The following EPHA6 variants were observed in gnomAD, a reference collection of about 807,000 sequenced individuals.
EPHA6 encodes EPH receptor A6, also known as ephrin type-A receptor 6.
Under a neutral mutation model 112.0 loss-of-function variants are expected in EPHA6, and 50 were observed. The ratio of observed to expected loss-of-function variants is 0.45; its 90% CI spans 0.36 to 0.56. The LOEUF is 0.56. EPHA6 is among the 20% of genes least tolerant of loss of function. The pLI is 0.00. For synonymous variants in EPHA6, 529 were observed against 490.7 expected, an observed-to-expected ratio of 1.08 and a Z score of -1.03; for missense variants, 1,280 against 1,417.4, an observed-to-expected ratio of 0.90 and a Z score of 1.56.
chr3:96,923,246 C>T (rs2039866051), intron 2 of EPHA6, among the ~76,000 whole-genome samples: 1 of 152,178 alleles, frequency 6.6e-6, no homozygotes, highest in Non-Finnish European at 1.5e-5. Context: ...AACTAATTTA[C>T]ACTCCCACCA....
intron 14 of EPHA6, among the ~76,000 whole-genome samples, chr3:97,688,236 A>G (rs371833969): frequency 6.6e-6 from 1 of 152,196 alleles, no homozygotes; most frequent in South Asian, 2.1e-4. Context: ...TTCTTCGAGT[A>G]TATTTCTTCT....
intron 3 of EPHA6, among the ~76,000 whole-genome samples, chr3:97,097,095 G>C (rs1275619664): frequency 6.6e-6 from 1 of 151,354 alleles, no homozygotes; most frequent in Non-Finnish European, 1.5e-5. Flanking sequence ...ATGAAAAAAA[G>C]AAAAAATGTA....
chr3:97,571,945 C>T (rs1175500344), intron 11 of EPHA6, among the ~76,000 whole-genome samples: 2 of 152,154 alleles, frequency 1.3e-5, no homozygotes, highest in Non-Finnish European at 2.9e-5. Context: ...TTCCATATAC[C>T]TCTACTGCCA....
At chr3:96,891,025 G>A (rs1224790095) in intron 2 of EPHA6, among the ~76,000 whole-genome samples, 1 of 152,196 alleles carries the variant, frequency 6.6e-6, no homozygotes, top group Non-Finnish European at 1.5e-5. Flanking sequence ...GGAGGTTGCA[G>A]TGAGCTGAGA....
intron 14 of EPHA6, among the ~76,000 whole-genome samples, chr3:97,645,885 G>GT (rs991790825): frequency 2.8e-4 from 43 of 151,974 alleles, no homozygotes; most frequent in African/African-American, 8.9e-4. Context: ...ATTTGTAAAT[G>GT]TTTTTTATAA....
Position 96,878,540 on chromosome 3 carries a change from A to G in EPHA6, c.450+11651A>G, listed in dbSNP as rs140866792. Among the ~76,000 whole-genome samples the G allele has an allele frequency of 1.1e-4, 16 of 152,218 alleles. No homozygotes were observed. The East Asian group carries it at 2.1e-3, about 20-fold the overall frequency. On this transcript the variant is annotated intron_variant, in intron 2 of 17. Transcript: ENST00000389672. ...CAGATAGAATAGTTAGAAAAATTCA[A>G]CCCAAGCACAAGGAACTTAATAGTC...
intron 2 of EPHA6, among the ~76,000 whole-genome samples, chr3:96,922,795 C>T (rs1298893870): frequency 2.6e-5 from 4 of 152,114 alleles, no homozygotes; most frequent in Non-Finnish European, 5.9e-5. Context: ...TCCTGATGCT[C>T]TCTATCCCAC....
chr3:97,034,157 A>G (rs143312113), intron 3 of EPHA6, among the ~76,000 whole-genome samples: 1 of 152,084 alleles, frequency 6.6e-6, no homozygotes, highest in East Asian at 1.9e-4. Flanking sequence ...ACAAGGTTGT[A>G]TTTAAGCATT....
chr3:97,302,904 C>A (rs9874379), intron 5 of EPHA6, among the ~76,000 whole-genome samples: 1 of 151,564 alleles, frequency 6.6e-6, no homozygotes, highest in Non-Finnish European at 1.5e-5. Context: ...TGCTATATGA[C>A]CAAATTTATA....
At chr3:96,894,563 A>G (rs1015128485) in intron 2 of EPHA6, among the ~76,000 whole-genome samples, 4 of 152,056 alleles carry the variant, frequency 2.6e-5, no homozygotes, top group Admixed American at 6.6e-5. Flanking sequence ...TGCATGAAGA[A>G]CCTTGCTTGG....
intron 10 of EPHA6, among the ~76,000 whole-genome samples, chr3:97,508,984 CTTTTTTTTTTTTTTTTTTTT>C (rs141763479): frequency 2.5e-3 from 55 of 22,328 alleles, no homozygotes; most frequent in Admixed American, 5.9e-3. Flanking sequence ...GCATCCCTGG[CTTTTTTTTTTTTTTTTTTTT>C]TTTTTTTTTT....
At chr3:97,351,054 C>T (rs904048236) in intron 5 of EPHA6, among the ~76,000 whole-genome samples, 1 of 152,136 alleles carries the variant, frequency 6.6e-6, no homozygotes, top group African/African-American at 2.4e-5. Flanking sequence ...ATTAAACCTG[C>T]CATCCTCAAG....
intron 14 of EPHA6, chr3:97,648,702 G>T: frequency 4.1e-6 from 4 of 971,860 alleles, no homozygotes; most frequent in Non-Finnish European, 5.0e-6. Flanking sequence ...AAGAGTTGGT[G>T]TAAAAAGTTT....
intron 14 of EPHA6, among the ~76,000 whole-genome samples, chr3:97,705,858 T>A (rs753752422): frequency 6.6e-6 from 1 of 152,200 alleles, no homozygotes; most frequent in Admixed American, 6.5e-5. Context: ...ATATAAATTA[T>A]TTGTCGCTTC....
chr3:97,031,014 T>C (rs1421560708), intron 3 of EPHA6, among the ~76,000 whole-genome samples: 1 of 152,020 alleles, frequency 6.6e-6, no homozygotes, highest in Non-Finnish European at 1.5e-5. Flanking sequence ...TTATATAAGT[T>C]ATTCAGGGGA....
At chr3:97,421,712 T>A (rs1295937172) in intron 6 of EPHA6, among the ~76,000 whole-genome samples, 2 of 152,150 alleles carry the variant, frequency 1.3e-5, no homozygotes, top group Non-Finnish European at 2.9e-5. Flanking sequence ...GTTACATGCC[T>A]TGGCAGATAC....
intron 5 of EPHA6, among the ~76,000 whole-genome samples, chr3:97,334,478 C>CTTTTTTTTTTTTTT (rs1354125066): frequency 2.3e-5 from 3 of 128,066 alleles, no homozygotes; most frequent in African/African-American, 5.9e-5. Context: ...TTTTTTTCTT[C>CTTTTTTTTTTTTTT]TTTTTTTTTT....
chr3:97,309,593 A>G (rs2081463195), intron 5 of EPHA6, among the ~76,000 whole-genome samples: 1 of 151,662 alleles, frequency 6.6e-6, no homozygotes, highest in African/African-American at 2.4e-5. Context: ...GAATTAATTT[A>G]AAAATTGGTA....
intron 2 of EPHA6, among the ~76,000 whole-genome samples, chr3:96,982,180 T>C (rs1177364369): frequency 2.0e-5 from 3 of 152,224 alleles, no homozygotes; most frequent in African/African-American, 7.2e-5. Context: ...CTGCTTTCTC[T>C]TGTGGGTATT....
Sources: allele counts gnomAD v4.1 joint callset (sites outside exome capture counted in the v4.1 genomes callset), GRCh38; gene constraint gnomAD v4.1.1; transcripts MANE v1.5; gene names NCBI Gene and HGNC (gene_info 2026-07-23, HGNC 2026-07-21).